Variants in PTH2R observed in about 807,000 individuals in gnomAD.
The protein encoded by PTH2R is PTH2 receptor.
In PTH2R, 59 loss-of-function variants were observed where a neutral mutation model predicts 60.3. That is an observed-to-expected ratio of 0.98 (90% confidence interval 0.79 to 1.22). PTH2R has a LOEUF of 1.22. PTH2R is among the 50% of genes most tolerant of loss of function. The pLI, the probability that PTH2R is intolerant of heterozygous loss-of-function variation, is 0.00. For missense variants in PTH2R, 749 were observed against 682.6 expected, an observed-to-expected ratio of 1.10 and a Z score of -1.08; for synonymous variants, 256 against 243.8, an observed-to-expected ratio of 1.05 and a Z score of -0.47.
intron 1 of PTH2R, among the ~76,000 whole-genome samples, chr2:208,417,348 A>G (rs1454140603): frequency 6.6e-6 from 1 of 152,160 alleles, no homozygotes; most frequent in Non-Finnish European, 1.5e-5. Flanking sequence ...GAAAATTCCT[A>G]TGCCAAAAAT....
intron 1 of PTH2R, among the ~76,000 whole-genome samples, chr2:208,362,703 T>G (rs919149638): frequency 1.4e-4 from 21 of 152,236 alleles, no homozygotes; most frequent in Admixed American, 4.6e-4. Context: ...AGTGGATTGC[T>G]GGATGATTTG....
intron 1 of PTH2R, among the ~76,000 whole-genome samples, chr2:208,423,599 A>T (rs528410483): frequency 2.6e-5 from 4 of 152,248 alleles, no homozygotes; most frequent in African/African-American, 9.6e-5. Flanking sequence ...GTAAATGTCT[A>T]TTAGATCCTG....
intron 1 of PTH2R, among the ~76,000 whole-genome samples, chr2:208,426,116 T>C (rs1701852728): frequency 6.6e-6 from 1 of 152,214 alleles, no homozygotes; most frequent in African/African-American, 2.4e-5. Context: ...ATTGGGTTAA[T>C]TATGAAGATT....
chr2:208,480,895 T>A (rs1272183090), intron 9 of PTH2R, among the ~76,000 whole-genome samples, 175 bp from the exon 10 acceptor site: 1 of 152,248 alleles, frequency 6.6e-6, no homozygotes, highest in African/African-American at 2.4e-5. Flanking sequence ...TGTGTTTTCA[T>A]GAGGGTGAAT....
chr2:208,474,477 A>T (rs1052313737), intron 9 of PTH2R, among the ~76,000 whole-genome samples: 18 of 152,356 alleles, frequency 1.2e-4, no homozygotes, highest in African/African-American at 4.3e-4. Context: ...AACTAAAATT[A>T]TAAAGGAAGA....
At chr2:208,460,570 C>A (rs1455413889) in intron 9 of PTH2R, among the ~76,000 whole-genome samples, 2 of 152,146 alleles carry the variant, frequency 1.3e-5, no homozygotes, top group African/African-American at 4.8e-5. Flanking sequence ...GCATGTTGCA[C>A]TGGACCTTAT....
Position 208,447,380 on chromosome 2 carries a change from AG to A in PTH2R, c.853+2494del, listed in dbSNP as rs1173225839. Among the ~76,000 whole-genome samples, 3 of 151,992 alleles carry A rather than the reference AG, an allele frequency of 2.0e-5. No individual in the cohort carries two copies. The East Asian group carries it at 5.8e-4, about 29-fold the overall frequency. On this transcript the variant is annotated intron_variant, in intron 7 of 12. Coordinates refer to ENST00000272847, the MANE Select transcript of PTH2R (RefSeq NM_005048.4). ...GAGGCGGGCGGATCATGAGGTCAGGAGATTGAGACCATCCTGGCTAACACGG... is the reference window on the plus strand; with the variant it reads ...GAGGCGGGCGGATCATGAGGTCAGGAATTGAGACCATCCTGGCTAACACGG...
chr2:208,388,661 G>A (rs1443720038), intron 1 of PTH2R, among the ~76,000 whole-genome samples: 1 of 152,158 alleles, frequency 6.6e-6, no homozygotes, highest in Non-Finnish European at 1.5e-5. Context: ...GATTACTCTA[G>A]AATAGACATG....
At position 208,489,084 on chromosome 2, in the gene PTH2R, T is replaced by C. The variant is rs1434789338; in HGVS notation, c.1149T>C (p.Pro383=). ...GVHYIVFVCL[P]HSFTGLGWEI... ...ATTACATCGTGTTCGTATGCCTGCC[T>C]CACTCCTTCACTGGGCTCGGGTGGG... The change falls in exon 11 of 13, where the codon CCT becomes CCC. Residue 383 remains proline, a synonymous_variant. Transcript: ENST00000272847. 4.3e-5 allele frequency: 70 copies of C among 1,614,036 alleles called. 1 individual carries two copies. The Admixed American group carries it at 1.2e-3, about 27-fold the overall frequency.
At chr2:208,425,271 TAG>T (rs1701834755) in intron 1 of PTH2R, among the ~76,000 whole-genome samples, 1 of 151,976 alleles carries the variant, frequency 6.6e-6, no homozygotes, top group South Asian at 2.1e-4. Flanking sequence ...GATATTGAGG[TAG>T]GAGGTGGGGC....
chr2:208,476,993 C>T (rs1703019455), intron 9 of PTH2R, among the ~76,000 whole-genome samples: 1 of 152,154 alleles, frequency 6.6e-6, no homozygotes, highest in Non-Finnish European at 1.5e-5. Context: ...ATGATTACAT[C>T]TTTTGCGAGT....
At chr2:208,375,339 T>C (rs933716568) in intron 1 of PTH2R, among the ~76,000 whole-genome samples, 4 of 152,048 alleles carry the variant, frequency 2.6e-5, no homozygotes, top group African/African-American at 7.3e-5. Flanking sequence ...ACAGGCTGTA[T>C]TGCTCAGAGA....
chr2:208,447,421 TACTAAA>T (rs1702308740), intron 7 of PTH2R, among the ~76,000 whole-genome samples: 2 of 151,864 alleles, frequency 1.3e-5, no homozygotes, highest in Admixed American at 6.6e-5. Flanking sequence ...TCCCTGCCTC[TACTAAA>T]AATACAAAAA....
intron 12 of PTH2R, among the ~76,000 whole-genome samples, chr2:208,491,691 C>T (rs192779873): frequency 6.8e-4 from 102 of 150,012 alleles, no homozygotes; most frequent in Non-Finnish European, 1.9e-4. Context: ...CCCAAGTCTG[C>T]TTTTAGCTTC....
rs1010870546 is a variant in PTH2R at position 208,420,141 on chromosome 2, G to A, written c.76-8060G>A. 3.9e-5 allele frequency among the ~76,000 whole-genome samples: 6 copies of A among 152,134 alleles called. No homozygotes were observed. The East Asian group carries it at 5.8e-4, about 15-fold the overall frequency. On this transcript the variant is annotated intron_variant, in intron 1 of 12. Coordinates refer to ENST00000272847, the MANE Select transcript of PTH2R (RefSeq NM_005048.4). ...CACACACCGGGGACTGTTGTGGGGT[G>A]GGGGGAGTGGGGAGGGATAGCATTA...
chr2:208,368,612 A>G (rs1244503141), intron 1 of PTH2R, among the ~76,000 whole-genome samples: 3 of 152,124 alleles, frequency 2.0e-5, no homozygotes, highest in Non-Finnish European at 2.9e-5. Flanking sequence ...TAAATAGTTA[A>G]TCTGGTTACT....
intron 7 of PTH2R, among the ~76,000 whole-genome samples, chr2:208,449,522 C>G (rs1391645403): frequency 1.3e-5 from 2 of 151,748 alleles, no homozygotes; most frequent in African/African-American, 4.8e-5. Flanking sequence ...TTAGGTAGGT[C>G]TATTTTGACA....
Position 208,440,557 on chromosome 2 carries a change from A to G in PTH2R, c.412-1807A>G, listed in dbSNP as rs149180404. On this transcript the variant is annotated intron_variant, in intron 4 of 12. Transcript: ENST00000272847. ...AATAATTTGTAAACATGAGTTGAGG[A>G]TGCCAAGAAATCTAAATGAACTAAA... 6.6e-5 allele frequency among the ~76,000 whole-genome samples: 10 copies of G among 152,350 alleles called. No individual in the cohort carries two copies. The East Asian group carries it at 1.9e-3, about 29-fold the overall frequency.
intron 1 of PTH2R, among the ~76,000 whole-genome samples, chr2:208,373,758 C>T (rs1399600617): frequency 6.6e-6 from 1 of 152,130 alleles, no homozygotes; most frequent in East Asian, 1.9e-4. Context: ...TAAGGGAGCT[C>T]AATCCCAAAC....
Sources: allele counts gnomAD v4.1 joint callset (sites outside exome capture counted in the v4.1 genomes callset), GRCh38; gene constraint gnomAD v4.1.1; transcripts MANE v1.5; gene names NCBI Gene and HGNC (gene_info 2026-07-23, HGNC 2026-07-21).